LRRC18: variants seen among roughly 807,000 people sequenced by gnomAD.
The protein encoded by LRRC18 is leucine-rich repeat-containing protein 18.
A neutral mutation model predicts 11.2 loss-of-function variants in LRRC18; 12 were observed. The observed-to-expected ratio is 1.07, with a 90% CI of 0.69 to 1.74. The LOEUF (loss-of-function observed/expected upper bound fraction) is 1.74, where lower values mean the gene tolerates loss of function less well. Among genes scored for constraint, LRRC18 ranks in the 40% most tolerant of loss-of-function variants. LRRC18 has a pLI of 0.00. For missense variants in LRRC18, 374 were observed against 330.5 expected (o/e 1.13, Z -1.02); for synonymous variants, 155 against 130.6 (o/e 1.19, Z -1.27).
chr10:48,919,730 T>A, the LRRC18 span, among the ~76,000 whole-genome samples: 51,102 of 152,130 alleles, frequency 0.34, 9,092 homozygotes, highest in Non-Finnish European at 0.39. Context: ...ACCCTCAAGA[T>A]CTAATTTCCT....
At chr10:48,937,556 A>G in the LRRC18 span, among the ~76,000 whole-genome samples, 2 of 152,150 alleles carry the variant, frequency 1.3e-5, no homozygotes, top group Admixed American at 6.5e-5. Context: ...TTCATCTGTT[A>G]ATGGAAATTA....
chr10:48,910,132 G>T, exon 2 of LRRC18: 1 of 1,118,546 alleles, frequency 8.9e-7, no homozygotes, highest in Non-Finnish European at 1.4e-6. Flanking sequence ...CTGGTTTCCA[G>T]AACATCTCAC....
chr10:48,928,102 C>T, the LRRC18 span, among the ~76,000 whole-genome samples: 2 of 152,152 alleles, frequency 1.3e-5, no homozygotes, highest in African/African-American at 4.8e-5. Context: ...GTTATTTTGT[C>T]TTCTCCTCAC....
At chr10:48,923,030 C>A in the LRRC18 span, among the ~76,000 whole-genome samples, 2 of 152,190 alleles carry the variant, frequency 1.3e-5, no homozygotes, top group Non-Finnish European at 2.9e-5. Context: ...AATTTTACTG[C>A]AGAAACATTT....
At chr10:48,923,520 A>ATATATATATAT in the LRRC18 span, among the ~76,000 whole-genome samples, 1 of 99,734 alleles carries the variant, frequency 1.0e-5, no homozygotes, top group African/African-American at 2.9e-5. Flanking sequence ...ATATGTCCCA[A>ATATATATATAT]ATACCGCATA....
At chr10:48,916,677 C>T (rs1353943170), upstream of LRRC18, among the ~76,000 whole-genome samples, 1 of 152,150 alleles carries the variant, frequency 6.6e-6, no homozygotes, top group African/African-American at 2.4e-5. Flanking sequence ...GAGATTGCAA[C>T]AGGGAAGAAA....
At chr10:48,935,813 G>A in the LRRC18 span, among the ~76,000 whole-genome samples, 4 of 152,104 alleles carry the variant, frequency 2.6e-5, no homozygotes, top group African/African-American at 9.7e-5. Flanking sequence ...TGAACACACA[G>A]CAGTAAGCCT....
At chr10:48,922,178 G>T in the LRRC18 span, among the ~76,000 whole-genome samples, 1 of 152,142 alleles carries the variant, frequency 6.6e-6, no homozygotes, top group Non-Finnish European at 1.5e-5. Context: ...GAAAACCCCA[G>T]AAATAAGAAA....
the LRRC18 span, among the ~76,000 whole-genome samples, chr10:48,926,662 T>C: frequency 6.6e-6 from 1 of 152,216 alleles, no homozygotes; most frequent in Non-Finnish European, 1.5e-5. Context: ...TTTTCATAGA[T>C]GTACCATATA....
At chr10:48,919,758 A>G in the LRRC18 span, among the ~76,000 whole-genome samples, 1 of 152,206 alleles carries the variant, frequency 6.6e-6, no homozygotes, top group Non-Finnish European at 1.5e-5. Flanking sequence ...TAAATGCCTC[A>G]CTTTCTGATA....
exon 1 of LRRC18, chr10:48,913,835 C>T: frequency 6.2e-7 from 1 of 1,614,050 alleles, no homozygotes; most frequent in Non-Finnish European, 8.5e-7. Flanking sequence ...TGCTGGTCAG[C>T]CGGTTGTTGC....
the LRRC18 span, among the ~76,000 whole-genome samples, chr10:48,923,506 A>ATATGTATG: frequency 8.7e-5 from 10 of 115,114 alleles, 4 homozygotes; most frequent in South Asian, 1.7e-3. Flanking sequence ...GTATATATAT[A>ATATGTATG]TATATATGTC....
At chr10:48,923,352 G>C in the LRRC18 span, among the ~76,000 whole-genome samples, 77,899 of 151,056 alleles carry the variant, frequency 0.52, 23,540 homozygotes, top group East Asian at 1. Flanking sequence ...ATTAAAAAGA[G>C]ATGAATTGAG....
chr10:48,914,711 C>T (rs185432125), upstream of LRRC18, among the ~76,000 whole-genome samples: 1 of 152,328 alleles, frequency 6.6e-6, no homozygotes, highest in East Asian at 1.9e-4. Context: ...ACCAACTTCT[C>T]ACATCCCTCT....
the LRRC18 span, among the ~76,000 whole-genome samples, chr10:48,930,698 T>A: frequency 6.6e-6 from 1 of 151,934 alleles, no homozygotes; most frequent in Non-Finnish European, 1.5e-5. Flanking sequence ...TAAAAAAAAA[T>A]TAGAAACAAC....
At chr10:48,924,108 G>T in the LRRC18 span, among the ~76,000 whole-genome samples, 1 of 152,246 alleles carries the variant, frequency 6.6e-6, no homozygotes, top group Non-Finnish European at 1.5e-5. Context: ...GGTAAAGTGA[G>T]GGCTGGCTAG....
chr10:48,935,626 C>T, the LRRC18 span, among the ~76,000 whole-genome samples: 14 of 152,192 alleles, frequency 9.2e-5, no homozygotes, highest in African/African-American at 3.4e-4. Context: ...TGTCTTTCAT[C>T]TATTTATTTG....
the LRRC18 span, among the ~76,000 whole-genome samples, chr10:48,938,902 T>C: frequency 6.6e-6 from 1 of 152,188 alleles, no homozygotes; most frequent in Non-Finnish European, 1.5e-5. Context: ...GTTGATGTGA[T>C]GTCCCCTGTA....
exon 1 of LRRC18, chr10:48,913,470 G>T: frequency 6.4e-7 from 1 of 1,570,736 alleles, no homozygotes; most frequent in Non-Finnish European, 8.7e-7. Context: ...CGGTGTCGTC[G>T]TGGCCATGTT....
Sources: allele counts gnomAD v4.1 joint callset (sites outside exome capture counted in the v4.1 genomes callset), GRCh38; gene constraint gnomAD v4.1.1; transcripts MANE v1.5; gene names NCBI Gene and HGNC (gene_info 2026-07-23, HGNC 2026-07-21).